PATJ: variants seen among roughly 807,000 people sequenced by gnomAD.
PATJ encodes the protein inaD-like protein.
In PATJ, 190 loss-of-function variants were observed where a neutral mutation model predicts 224.9. The ratio of observed to expected loss-of-function variants is 0.84; its 90% CI spans 0.75 to 0.95. The LOEUF is 0.95. PATJ is among the 40% of genes least tolerant of loss of function. PATJ has a pLI of 0.00. For missense variants in PATJ, 2,121 were observed against 2,270.3 expected, an observed-to-expected ratio of 0.93 and a Z score of 1.34; for synonymous variants, 769 against 820.3, an observed-to-expected ratio of 0.94 and a Z score of 1.07.
At chr1:62,108,546 T>A in intron 34 of PATJ, 26 bp downstream of exon 34, 1 of 1,422,274 alleles carries the variant, frequency 7.0e-7, no homozygotes, top group South Asian at 1.2e-5. Flanking sequence ...TTTTATTTTA[T>A]ATCAGTAAAT....
chr1:62,133,989 G>A (rs185113462), intron 41 of PATJ, among the ~76,000 whole-genome samples: 80 of 151,932 alleles, frequency 5.3e-4, no homozygotes, highest in African/African-American at 1.8e-3. Context: ...CAGGTGATCC[G>A]CCTGCCTTGG....
intron 32 of PATJ, among the ~76,000 whole-genome samples, chr1:62,080,373 C>T (rs1003383707): frequency 2.0e-5 from 3 of 151,878 alleles, no homozygotes; most frequent in Non-Finnish European, 4.4e-5. Context: ...ATTCTGTCAC[C>T]CAGGCTGGAG....
At chr1:62,037,382 ATCTAC>A (rs1650626691) in intron 29 of PATJ, among the ~76,000 whole-genome samples, 1 of 152,092 alleles carries the variant, frequency 6.6e-6, no homozygotes. Context: ...TTCAGCTGCC[ATCTAC>A]TCTACTCCAT....
intron 24 of PATJ, among the ~76,000 whole-genome samples, chr1:61,901,897 G>A (rs568998963): frequency 1.3e-5 from 2 of 152,042 alleles, no homozygotes; most frequent in Non-Finnish European, 1.5e-5. Context: ...TCCATGATTC[G>A]CACCGGATAC....
intron 21 of PATJ, among the ~76,000 whole-genome samples, chr1:61,877,689 C>T: frequency 6.6e-6 from 1 of 152,132 alleles, no homozygotes; most frequent in East Asian, 1.9e-4. Context: ...GCCTTCCTAG[C>T]CATGCCTCTC....
intron 28 of PATJ, among the ~76,000 whole-genome samples, chr1:62,016,437 C>T (rs555844011): frequency 1.4e-4 from 22 of 152,230 alleles, no homozygotes; most frequent in African/African-American, 5.3e-4. Flanking sequence ...ATATGGTACA[C>T]TATACTATCT....
chr1:61,859,668 G>C (rs1360816798), intron 18 of PATJ, among the ~76,000 whole-genome samples: 1 of 152,056 alleles, frequency 6.6e-6, no homozygotes, highest in African/African-American at 2.4e-5. Flanking sequence ...GCCCAGGCTG[G>C]AGTGCAAATG....
At chr1:61,832,337 A>G (rs1463623181) in intron 16 of PATJ, among the ~76,000 whole-genome samples, 2 of 152,172 alleles carry the variant, frequency 1.3e-5, no homozygotes, top group Non-Finnish European at 2.9e-5. Flanking sequence ...AATGTTGGAG[A>G]GAATAAATAC....
chr1:61,880,093 G>C (rs947161265), intron 21 of PATJ, among the ~76,000 whole-genome samples: 8 of 152,126 alleles, frequency 5.3e-5, no homozygotes, highest in Non-Finnish European at 1.0e-4. Flanking sequence ...CAAAGTGCTG[G>C]GATTGCAGGC....
At chr1:61,844,782 T>C (rs1463968749) in intron 17 of PATJ, among the ~76,000 whole-genome samples, 1 of 152,104 alleles carries the variant, frequency 6.6e-6, no homozygotes, top group Non-Finnish European at 1.5e-5. Flanking sequence ...GTTCTTATGA[T>C]AATGAGTGAG....
chr1:61,814,547 T>TGTGTGTGTGTGTGTGCGCGC (rs370488022), intron 14 of PATJ, among the ~76,000 whole-genome samples: 35 of 142,568 alleles, frequency 2.5e-4, no homozygotes, highest in African/African-American at 9.4e-4. Flanking sequence ...TGTGTGTGTG[T>TGTGTGTGTGTGTGTGCGCGC]GCGCGCGCGC....
At chr1:61,822,605 TG>T (rs1173655284) in intron 14 of PATJ, among the ~76,000 whole-genome samples, 1 of 152,062 alleles carries the variant, frequency 6.6e-6, no homozygotes, top group Non-Finnish European at 1.5e-5. Context: ...AAAGTTAGGA[TG>T]TTCTAGGGGA....
At chr1:62,088,192 A>G (rs553021350) in intron 33 of PATJ, among the ~76,000 whole-genome samples, 30 of 152,012 alleles carry the variant, frequency 2.0e-4, no homozygotes, top group African/African-American at 6.3e-4. Context: ...CGCCCAGCCA[A>G]TTCTTTGTAA....
chr1:61,957,460 C>T (rs1439061907), intron 27 of PATJ, among the ~76,000 whole-genome samples: 5 of 151,998 alleles, frequency 3.3e-5, no homozygotes, highest in African/African-American at 4.8e-5. Flanking sequence ...TCCTGCTTTC[C>T]GTCTTTTTTT....
At position 62,114,220 on chromosome 1, in the gene PATJ, C is replaced by T. The variant is rs1217184313; in HGVS notation, c.4629C>T (p.Gly1543=). 6.2e-7 allele frequency: 1 copy of T among 1,613,708 alleles called. No homozygotes were observed. The highest frequency in any genetic ancestry group is 2.2e-5 in the East Asian group (1 of 44,878). ...PVDLQKKAGR[G]LGLSIVGKRN... is the part of the protein sequence containing the mutation. ...ATCTGCAGAAGAAAGCTGGCCGGGG[C>T]CTGGGCCTGAGCATCGTTGGGAAAC... is the stretch of plus-strand genomic sequence containing the variant. Residue 1543 remains glycine (G), a synonymous_variant, in exon 35 of 44, where the codon GGC becomes GGT. Transcript: ENST00000642238.
chr1:62,093,712 C>T (rs867666013), intron 33 of PATJ, among the ~76,000 whole-genome samples: 15 of 152,190 alleles, frequency 9.9e-5, no homozygotes, highest in South Asian at 2.1e-4. Flanking sequence ...ATTATGTAAG[C>T]TAAGTCAAAT....
At chr1:61,914,686 T>C in intron 26 of PATJ, 22 bp downstream of exon 26, 3 of 1,442,580 alleles carry the variant, frequency 2.1e-6, no homozygotes, top group Non-Finnish European at 2.9e-6. Flanking sequence ...CTCTCAAGGA[T>C]TTAAAAAATG....
chr1:61,869,161 C>T (rs1266641633), intron 20 of PATJ, among the ~76,000 whole-genome samples: 6 of 137,132 alleles, frequency 4.4e-5, no homozygotes, highest in South Asian at 4.9e-4. Context: ...GGCTGGAGTG[C>T]AGTGGCGCCA....
At chr1:61,818,422 A>C (rs1656598983) in intron 14 of PATJ, among the ~76,000 whole-genome samples, 1 of 152,258 alleles carries the variant, frequency 6.6e-6, no homozygotes, top group African/African-American at 2.4e-5. Flanking sequence ...TCATTTCAGC[A>C]CTTGCTGCTA....
Sources: allele counts gnomAD v4.1 joint callset (sites outside exome capture counted in the v4.1 genomes callset), GRCh38; gene constraint gnomAD v4.1.1; transcripts MANE v1.5; gene names NCBI Gene and HGNC (gene_info 2026-07-23, HGNC 2026-07-21).